SLC26A3: variants seen among roughly 807,000 people sequenced by gnomAD.
The protein encoded by SLC26A3 is chloride anion exchanger.
In SLC26A3, 64 loss-of-function variants were observed where a neutral mutation model predicts 85.6. That is an observed-to-expected ratio of 0.75 (90% CI 0.61 to 0.92). The LOEUF is 0.92. Ranked by LOEUF, SLC26A3 falls within the 40% of genes least tolerant of loss-of-function variation. The probability of loss-of-function intolerance (pLI) is 0.00; values close to 1 mark genes in which losing one functional copy is unlikely to be tolerated. For missense variants in SLC26A3, 922 were observed against 927.3 expected, an observed-to-expected ratio of 0.99 and a Z score of 0.07; for synonymous variants, 349 against 336.0, an observed-to-expected ratio of 1.04 and a Z score of -0.42.
intron 8 of SLC26A3, among the ~76,000 whole-genome samples, chr7:107,785,141 A>C (rs1009973072): frequency 1.3e-5 from 2 of 152,232 alleles, no homozygotes; most frequent in African/African-American, 4.8e-5. Flanking sequence ...GTGTAATTTG[A>C]ACATTTATTG....
rs386833490 is a variant in SLC26A3, at chr7:107,786,883, G to A, written c.915C>T (p.Tyr305=). 5.1e-5 allele frequency: 83 copies of A among 1,613,914 alleles called. No individual in the cohort carries two copies. The highest frequency in any genetic ancestry group is 1.6e-4 in the Middle Eastern group (1 of 6,082). Residue 305 remains tyrosine (Y), a synonymous_variant, in exon 8 of 21, where the codon TAC becomes TAT. Coordinates refer to ENST00000340010, the MANE Select transcript of SLC26A3 (RefSeq NM_000111.3). The stretch of plus-strand genomic sequence containing the variant: ...TAAACCTGTTTTTAAAGTCACAGCC[G>A]TAGGATACACCTGCTGCAATCACGG... The part of the protein sequence containing the change: ...IMTVIAAGVS[Y]GCDFKNRFKV...
At chr7:107,770,063 TTTTC>T (rs753089320) in intron 18 of SLC26A3, among the ~76,000 whole-genome samples, 51 of 130,450 alleles carry the variant, frequency 3.9e-4, no homozygotes, top group Non-Finnish European at 6.5e-4. Context: ...TTTTCTTTCT[TTTTC>T]TTTCTCTCTT....
Position 107,787,505 on chromosome 7 carries a change from A to G in SLC26A3, c.740T>C (p.Leu247Pro). ...CTCTATTTGTGAGAATACAGAGTAT[A>G]GTACCTACAATTATAAAAACAAAAA... ...HTDPVSIFKV[L>P]YSVFSQIEKT... Residue 247 changes from leucine (L) to proline (P), a missense_variant, in exon 7 of 21, where the codon CTA (leucine) becomes CCA (proline). Coordinates refer to ENST00000340010, the MANE Select transcript of SLC26A3 (RefSeq NM_000111.3). 2 of 1,612,992 alleles carry G rather than the reference A, an allele frequency of 1.2e-6. No individual in the cohort carries two copies. The highest frequency in any genetic ancestry group is 1.7e-6 in the Non-Finnish European group (2 of 1,179,516).
intron 11 of SLC26A3, 52 bp downstream of exon 11, chr7:107,782,745 G>C (rs1794231866): frequency 2.5e-5 from 37 of 1,506,816 alleles, no homozygotes; most frequent in Non-Finnish European, 3.4e-5. Flanking sequence ...TTAAGAACCG[G>C]GGTCCTTGAT....
At position 107,767,629 on chromosome 7, in the gene SLC26A3, T is replaced by C. The variant is rs1196063427; in HGVS notation, c.2221A>G (p.Ile741Val). 2 of 1,610,160 alleles carry C rather than the reference T, an allele frequency of 1.2e-6. No individual in the cohort carries two copies. The highest frequency in any genetic ancestry group is 2.2e-5 in the South Asian group (2 of 91,006). Reference protein sequence around the residue: ...FNPSQEKDGKIDFTINTNGGL... With the variant: ...FNPSQEKDGKVDFTINTNGGL... ...CCATTTGTATTTATGGTAAAATCAA[T>C]TTTTCCATCTTTTTCCTGAGAAAAA... Residue 741 changes from isoleucine to valine, a missense_variant, in exon 20 of 21, where the codon ATT (isoleucine) becomes GTT (valine). Coordinates refer to ENST00000340010, the MANE Select transcript of SLC26A3 (RefSeq NM_000111.3).
chr7:107,780,581 G>T lies in SLC26A3; in HGVS notation c.1312-818C>A, dbSNP rs577958172. Among the ~76,000 whole-genome samples the T allele has an allele frequency of 4.6e-5, 7 of 152,252 alleles. No individual in the cohort carries two copies. In the South Asian group the frequency reaches 1.5e-3, roughly 32 times the overall value. ...TTATTCTGAATGGAGTATGGAATTT[G>T]TATACTGCTATACCATGAAAACACA... On this transcript the variant is annotated intron_variant, in intron 11 of 20. Coordinates refer to ENST00000340010, the MANE Select transcript of SLC26A3 (RefSeq NM_000111.3).
Position 107,774,820 on chromosome 7 carries a change from T to C in SLC26A3, c.1730A>G (p.Lys577Arg), listed in dbSNP as rs1353570442. 6.2e-7 allele frequency: 1 copy of C among 1,614,058 alleles called. No homozygotes were observed. Among genetic ancestry groups the C allele is most frequent in the African/African-American group, 1.3e-5 (1 of 74,944 alleles). The part of the protein sequence containing the change: ...ILRKRNKALR[K>R]IRKLQKQGLL... The stretch of plus-strand genomic sequence containing the variant: ...GCCTTGCTTCTGCAGTTTTCGGATT[T>C]TCCTCAAAGCTTTGTTGCGCTTGCG... The change falls in exon 16 of 21, where the codon AAA becomes AGA. Residue 577 changes from lysine to arginine, a missense_variant. Lys to Arg is a conservative substitution (Grantham distance 26). Transcript: ENST00000340010.
intron 1 of SLC26A3, among the ~76,000 whole-genome samples, chr7:107,800,623 C>T (rs1048732425): frequency 2.0e-4 from 30 of 152,220 alleles, no homozygotes; most frequent in Admixed American, 1.6e-3. Context: ...CCATTTTTCC[C>T]TCTTTTGTTA....
chr7:107,791,746 A>T, intron 4 of SLC26A3, 84 bp downstream of exon 4: 1 of 914,942 alleles, frequency 1.1e-6, no homozygotes, highest in South Asian at 1.4e-5. Context: ...ATTATGTGAA[A>T]TTTGGAATTG....
At chr7:107,801,256 T>C (rs1254241938) in intron 1 of SLC26A3, among the ~76,000 whole-genome samples, 3 of 152,232 alleles carry the variant, frequency 2.0e-5, no homozygotes, top group Non-Finnish European at 4.4e-5. Flanking sequence ...CTCTCTCCAC[T>C]ACGTCTTCTT....
At chr7:107,790,100 C>T (rs1227774215) in intron 5 of SLC26A3, among the ~76,000 whole-genome samples, 2 of 152,178 alleles carry the variant, frequency 1.3e-5, no homozygotes. Context: ...CACGCATGAG[C>T]GAGTGTCTAT....
chr7:107,781,520 T>C (rs575405839), intron 11 of SLC26A3, among the ~76,000 whole-genome samples: 1 of 152,282 alleles, frequency 6.6e-6, no homozygotes, highest in South Asian at 2.1e-4. Flanking sequence ...GGGAGAAGCA[T>C]GAGAGGGTGG....
chr7:107,787,009 A>C, intron 7 of SLC26A3, 100 bp from the exon 8 acceptor site: 2 of 978,288 alleles, frequency 2.0e-6, no homozygotes, highest in Non-Finnish European at 3.2e-6. Context: ...TGTACCTGTT[A>C]AGTAAGAACT....
chr7:107,800,182 A>C, intron 1 of SLC26A3, among the ~76,000 whole-genome samples: 1 of 152,208 alleles, frequency 6.6e-6, no homozygotes, highest in East Asian at 1.9e-4. Context: ...TACCTGGTAG[A>C]TTCCAATTCA....
In SLC26A3 at chr7:107,773,416, A is replaced by G. The variant is rs186042052; in HGVS notation, c.2007+504T>C. On this transcript the variant is annotated intron_variant, in intron 17 of 20. Coordinates refer to ENST00000340010, the MANE Select transcript of SLC26A3 (RefSeq NM_000111.3). ...AACTGTAGATTTGATTCCCTTCAAT[A>G]TAGTACCCAGTCTCATGGAAAAATG... Among the ~76,000 whole-genome samples, 8 of 152,338 alleles carry G rather than the reference A, an allele frequency of 5.3e-5. No homozygotes were observed. In the East Asian group the frequency reaches 1.5e-3, roughly 29 times the overall value.
At chr7:107,785,118 G>A (rs957676544) in intron 8 of SLC26A3, among the ~76,000 whole-genome samples, 7 of 152,188 alleles carry the variant, frequency 4.6e-5, no homozygotes, top group African/African-American at 7.2e-5. Context: ...TGTTAAACTA[G>A]TTAACAATAG....
intron 1 of SLC26A3, among the ~76,000 whole-genome samples, chr7:107,799,072 T>C (rs1212734937): frequency 3.3e-5 from 5 of 152,020 alleles, no homozygotes; most frequent in African/African-American, 4.8e-5. Context: ...AGCAGGGAGA[T>C]GATGGCATCA....
Position 107,787,460 on chromosome 7 carries a change from A to G in SLC26A3, c.785T>C (p.Leu262Pro). Reference protein sequence around the residue: ...SQIEKTNIADLVTALIVLLVV... With the variant: ...SQIEKTNIADPVTALIVLLVV... ...CAAAAGGACAATCAGAGCTGTCACC[A>G]GGTCTGCAATATTAGTCTTCTCTAT... The change falls in exon 7 of 21, where the codon CTG becomes CCG. Residue 262 changes from leucine to proline, a missense_variant. Leu to Pro is a moderately conservative substitution (Grantham distance 98). Transcript: ENST00000340010. 6.2e-7 allele frequency: 1 copy of G among 1,613,988 alleles called. No individual in the cohort carries two copies. The highest frequency in any genetic ancestry group is 8.5e-7 in the Non-Finnish European group (1 of 1,179,874).
At chr7:107,770,493 A>T (rs961401674) in intron 18 of SLC26A3, among the ~76,000 whole-genome samples, 9 of 151,674 alleles carry the variant, frequency 5.9e-5, no homozygotes, top group Non-Finnish European at 1.3e-4. Flanking sequence ...CTGGGGCTTA[A>T]GTGATCTGCC....
Sources: gnomAD v4.1 joint callset for allele counts (sites outside exome capture counted in the v4.1 genomes callset) on GRCh38, gnomAD v4.1.1 for gene constraint, MANE v1.5 for transcripts, NCBI Gene and HGNC (gene_info 2026-07-23, HGNC 2026-07-21) for gene names.